Variants in DAPK1 observed in about 807,000 individuals in gnomAD.
DAPK1 encodes the protein death associated protein kinase 1, also known as death-associated protein kinase 1.
Under a neutral mutation model 144.9 loss-of-function variants are expected in DAPK1, and 56 were observed. The observed-to-expected ratio is 0.39, with a 90% confidence interval of 0.31 to 0.48. DAPK1 has a LOEUF of 0.48. DAPK1 is among the 20% of genes least tolerant of loss of function. The pLI is 0.95. For synonymous variants in DAPK1, 690 were observed against 749.0 expected, an observed-to-expected ratio of 0.92 and a Z score of 1.29; for missense variants, 1,454 against 1,875.4, an observed-to-expected ratio of 0.78 and a Z score of 4.15.
intron 2 of DAPK1, among the ~76,000 whole-genome samples, chr9:87,509,272 CA>C (rs1824737077): frequency 1.3e-5 from 2 of 152,084 alleles, no homozygotes; most frequent in East Asian, 3.9e-4. Context: ...TTTGGTAAGG[CA>C]AAAAGCGCTA....
intron 21 of DAPK1, among the ~76,000 whole-genome samples, chr9:87,695,733 GC>G (rs1246877766): frequency 6.6e-6 from 1 of 152,160 alleles, no homozygotes; most frequent in African/African-American, 2.4e-5. Context: ...CCTGGACAGG[GC>G]CCTCAGTCAC....
chr9:87,683,006 A>T (rs1179074636), intron 20 of DAPK1, among the ~76,000 whole-genome samples: 1 of 152,152 alleles, frequency 6.6e-6, no homozygotes, highest in Non-Finnish European at 1.5e-5. Flanking sequence ...ACTTTAAAAA[A>T]TTTAAAAGTA....
chr9:87,679,902 C>T (rs961332845), intron 19 of DAPK1, among the ~76,000 whole-genome samples: 7 of 152,104 alleles, frequency 4.6e-5, no homozygotes, highest in Admixed American at 1.3e-4. Flanking sequence ...CAGACACCTC[C>T]ACACAGAGAG....
chr9:87,533,852 G>A (rs1315035681), intron 2 of DAPK1, among the ~76,000 whole-genome samples: 2 of 152,226 alleles, frequency 1.3e-5, no homozygotes, highest in Non-Finnish European at 2.9e-5. Flanking sequence ...GAGTTGAGAC[G>A]GGGTTTCGCC....
chr9:87,677,916 G>T (rs923389435), intron 19 of DAPK1, among the ~76,000 whole-genome samples: 1 of 152,166 alleles, frequency 6.6e-6, no homozygotes, highest in African/African-American at 2.4e-5. Context: ...ACGTGGCGCT[G>T]GGGACAATTC....
At chr9:87,643,928 C>T (rs1223394105) in intron 11 of DAPK1, among the ~76,000 whole-genome samples, 2 of 152,102 alleles carry the variant, frequency 1.3e-5, no homozygotes, top group Admixed American at 1.3e-4. Flanking sequence ...GGCAGACAGC[C>T]GCCACTCCCT....
At chr9:87,656,541 G>A (rs1830633929) in intron 17 of DAPK1, among the ~76,000 whole-genome samples, 1 of 152,206 alleles carries the variant, frequency 6.6e-6, no homozygotes, top group Non-Finnish European at 1.5e-5. Context: ...TAGGATGCTT[G>A]AAAGCTTAAT....
At chr9:87,602,698 A>G (rs1828567548) in intron 2 of DAPK1, among the ~76,000 whole-genome samples, 1 of 151,828 alleles carries the variant, frequency 6.6e-6, no homozygotes, top group East Asian at 1.9e-4. Context: ...CAGTGGCACA[A>G]TCTCGGCTCA....
At chr9:87,677,703 T>A (rs1824447353) in intron 19 of DAPK1, among the ~76,000 whole-genome samples, 1 of 152,168 alleles carries the variant, frequency 6.6e-6, no homozygotes, top group South Asian at 2.1e-4. Flanking sequence ...GAAGTTTGCA[T>A]CTACCCTGTG....
intron 19 of DAPK1, among the ~76,000 whole-genome samples, chr9:87,673,154 C>A (rs1198865180): frequency 6.6e-6 from 1 of 152,154 alleles, no homozygotes; most frequent in Admixed American, 6.5e-5. Context: ...GCATTCCCTA[C>A]AGCCATATTG....
At position 87,708,042 on chromosome 9, in the gene DAPK1, G is replaced by T; in HGVS notation, c.*678G>T. 3.3e-6 allele frequency: 1 copy of T among 301,586 alleles called. No homozygotes were observed. The highest frequency in any genetic ancestry group is 6.5e-6 in the Non-Finnish European group (1 of 154,016). 18.7% of individuals were successfully genotyped at this position (301,586 alleles called of 1,614,324 possible). ...TTTTGTTTTGTATTGTTTTCTGACA[G>T]TTTTTCTGTTTTGTTTGGCAAGGAA... On this transcript the variant is annotated 3_prime_UTR_variant, in exon 26 of 26. Transcript: ENST00000408954.
intron 17 of DAPK1, among the ~76,000 whole-genome samples, chr9:87,653,008 C>A (rs1165683297): frequency 7.0e-6 from 1 of 143,280 alleles, no homozygotes; most frequent in African/African-American, 2.5e-5. Context: ...ATCCCGGGTC[C>A]TGATTCTGTG....
intron 3 of DAPK1, among the ~76,000 whole-genome samples, chr9:87,612,889 A>C (rs757979913): frequency 2.0e-5 from 3 of 152,196 alleles, no homozygotes; most frequent in Admixed American, 6.5e-5. Context: ...GCTCTGGATC[A>C]CATGTCTGAA....
At chr9:87,555,361 T>C (rs1175832816) in intron 2 of DAPK1, among the ~76,000 whole-genome samples, 2 of 152,140 alleles carry the variant, frequency 1.3e-5, no homozygotes, top group African/African-American at 4.8e-5. Flanking sequence ...CTCTTTTCCT[T>C]CTCTGTCACA....
chr9:87,597,749 T>A (rs767002262), intron 2 of DAPK1, among the ~76,000 whole-genome samples: 101 of 152,128 alleles, frequency 6.6e-4, no homozygotes, highest in Non-Finnish European at 1.2e-3. Flanking sequence ...TTTGTGTGTC[T>A]GACCTGACGC....
At chr9:87,588,684 C>T (rs1828019903) in intron 2 of DAPK1, among the ~76,000 whole-genome samples, 1 of 152,040 alleles carries the variant, frequency 6.6e-6, no homozygotes, top group Non-Finnish European at 1.5e-5. Flanking sequence ...CAAATAGAGA[C>T]TAGAGAAGTT....
At chr9:87,638,576 C>G (rs1829983097) in intron 4 of DAPK1, among the ~76,000 whole-genome samples, 1 of 152,188 alleles carries the variant, frequency 6.6e-6, no homozygotes, top group Admixed American at 6.5e-5. Context: ...GTCCTCCCAG[C>G]CATGACAGAG....
At chr9:87,645,384 G>A (rs192930043) in intron 11 of DAPK1, among the ~76,000 whole-genome samples, 72 of 152,022 alleles carry the variant, frequency 4.7e-4, no homozygotes, top group African/African-American at 1.5e-3. Context: ...GATTTTTGCC[G>A]TGTTATTCTA....
chr9:87,624,023 T>C (rs1829402707), intron 3 of DAPK1, among the ~76,000 whole-genome samples: 1 of 152,156 alleles, frequency 6.6e-6, no homozygotes, highest in African/African-American at 2.4e-5. Flanking sequence ...GGAGGCAGGG[T>C]TCTGAGATTC....
Sources: gnomAD v4.1 joint callset for allele counts (sites outside exome capture counted in the v4.1 genomes callset) on GRCh38, gnomAD v4.1.1 for gene constraint, MANE v1.5 for transcripts, NCBI Gene and HGNC (gene_info 2026-07-23, HGNC 2026-07-21) for gene names.